Variants in PREX1 observed in about 807,000 individuals in gnomAD.
PREX1 encodes the protein phosphatidylinositol 3,4,5-trisphosphate-dependent Rac exchanger 1 protein.
A neutral mutation model predicts 198.3 loss-of-function variants in PREX1; 41 were observed. That is an observed-to-expected ratio of 0.21 (90% CI 0.16 to 0.27). The LOEUF (loss-of-function observed/expected upper bound fraction) is 0.27. Ranked by LOEUF, PREX1 falls within the 10% of genes least tolerant of loss-of-function variation. The probability of loss-of-function intolerance (pLI) is 1.00; values close to 1 mark genes in which losing one functional copy is unlikely to be tolerated. For synonymous variants in PREX1, 843 were observed against 887.2 expected (o/e 0.95, Z 0.89); for missense variants, 1,620 against 2,200.7 (o/e 0.74, Z 5.28).
intron 1 of PREX1, among the ~76,000 whole-genome samples, chr20:48,785,981 G>A (rs2090310384): frequency 6.6e-6 from 1 of 152,318 alleles, no homozygotes; most frequent in East Asian, 1.9e-4. Flanking sequence ...CTTCCAGCAG[G>A]GGGTTCAGAA....
chr20:48,775,334 G>A (rs767209178), intron 1 of PREX1, among the ~76,000 whole-genome samples: 3 of 151,970 alleles, frequency 2.0e-5, no homozygotes, highest in Admixed American at 6.6e-5. Context: ...GCAAGGAGAC[G>A]GGTGCTTTTT....
intron 5 of PREX1, among the ~76,000 whole-genome samples, chr20:48,714,022 C>A (rs541144921): frequency 6.6e-6 from 1 of 152,274 alleles, no homozygotes; most frequent in East Asian, 1.9e-4. Flanking sequence ...AATGATGCAA[C>A]TGAATATCCA....
chr20:48,627,987 C>A (rs746343713), intron 37 of PREX1, 24 bp from the exon 38 acceptor site: 1 of 1,163,586 alleles, frequency 8.6e-7, no homozygotes, highest in Non-Finnish European at 1.2e-6. Flanking sequence ...GGGAGGACAG[C>A]GGGTTGGCGG....
chr20:48,837,251 G>A, the PREX1 span, among the ~76,000 whole-genome samples: 5 of 152,194 alleles, frequency 3.3e-5, no homozygotes, highest in Non-Finnish European at 7.3e-5. Flanking sequence ...ACCACTGTGG[G>A]AAGCAGTGTG....
intron 18 of PREX1, chr20:48,656,423 G>GA (rs1402342151): frequency 3.3e-6 from 1 of 304,224 alleles, no homozygotes; most frequent in East Asian, 1.1e-4. Context: ...GGGGCCTCCA[G>GA]GGCTGGACCC....
At chr20:48,830,014 G>A (rs1479933035), upstream of PREX1, among the ~76,000 whole-genome samples, 2 of 152,100 alleles carry the variant, frequency 1.3e-5, no homozygotes, top group East Asian at 3.9e-4. Context: ...AGGACATTTA[G>A]CCGCGTCCCC....
At chr20:48,873,430 C>T in the PREX1 span, among the ~76,000 whole-genome samples, 2 of 151,716 alleles carry the variant, frequency 1.3e-5, no homozygotes, top group Admixed American at 1.3e-4. Flanking sequence ...AGCAAGAGGC[C>T]GGGTGCAGTG....
the PREX1 span, among the ~76,000 whole-genome samples, chr20:48,882,576 G>T: frequency 7.0e-6 from 1 of 143,448 alleles, no homozygotes; most frequent in Non-Finnish European, 1.5e-5. Flanking sequence ...GTATATTTTT[G>T]TGTCTCTGGG....
chr20:48,853,384 G>A, the PREX1 span, among the ~76,000 whole-genome samples: 1 of 152,178 alleles, frequency 6.6e-6, no homozygotes, highest in Non-Finnish European at 1.5e-5. Context: ...TACAATCATG[G>A]CTGAAGGCAC....
At chr20:48,650,615 G>A (rs2089487293) in intron 23 of PREX1, among the ~76,000 whole-genome samples, 1 of 152,232 alleles carries the variant, frequency 6.6e-6, no homozygotes, top group South Asian at 2.1e-4. Flanking sequence ...GCTTGCTGAG[G>A]CTAGAGCTAT....
intron 3 of PREX1, among the ~76,000 whole-genome samples, chr20:48,742,305 G>A (rs1448434248): frequency 3.3e-5 from 5 of 152,188 alleles, no homozygotes; most frequent in Non-Finnish European, 7.3e-5. Flanking sequence ...TTACCCAAGT[G>A]AGAAACAATT....
chr20:48,875,766 C>T, the PREX1 span, among the ~76,000 whole-genome samples: 1 of 152,076 alleles, frequency 6.6e-6, no homozygotes, highest in African/African-American at 2.4e-5. Context: ...GAGGGTGTCA[C>T]GAGGCGACAG....
intron 25 of PREX1, 118 bp downstream of exon 25, chr20:48,649,182 T>C (rs2089472723): frequency 1.4e-6 from 2 of 1,391,690 alleles, no homozygotes; most frequent in Non-Finnish European, 1.9e-6. Context: ...AAATAGCCTA[T>C]AATGTCCAGG....
At chr20:48,878,689 T>C in the PREX1 span, among the ~76,000 whole-genome samples, 1 of 152,164 alleles carries the variant, frequency 6.6e-6, no homozygotes, top group Non-Finnish European at 1.5e-5. Flanking sequence ...CACACCTTCC[T>C]TCCATGTGTT....
chr20:48,723,454 C>T (rs1002399803), intron 5 of PREX1, among the ~76,000 whole-genome samples: 4 of 152,190 alleles, frequency 2.6e-5, no homozygotes, highest in African/African-American at 7.2e-5. Context: ...GGCCAAAGGC[C>T]GGACACACTG....
intron 3 of PREX1, among the ~76,000 whole-genome samples, chr20:48,744,453 C>T (rs2090098587): frequency 6.6e-6 from 1 of 152,102 alleles, no homozygotes; most frequent in Non-Finnish European, 1.5e-5. Context: ...TGAGGGGGGT[C>T]CCAGGTAGTA....
At chr20:48,851,291 G>C in the PREX1 span, among the ~76,000 whole-genome samples, 1 of 152,192 alleles carries the variant, frequency 6.6e-6, no homozygotes, top group Non-Finnish European at 1.5e-5. Context: ...CGGATCTCTT[G>C]AGGTTAGGAG....
intron 9 of PREX1, among the ~76,000 whole-genome samples, chr20:48,689,734 T>A (rs2089807063): frequency 6.6e-6 from 1 of 152,156 alleles, no homozygotes; most frequent in Non-Finnish European, 1.5e-5. Flanking sequence ...AGTTCAGTGG[T>A]TTATCGGGCC....
chr20:48,691,874 T>TA lies in PREX1; in HGVS notation c.1037-779dup, dbSNP rs1334263347. Among the ~76,000 whole-genome samples the TA allele has an allele frequency of 5.9e-5, 9 of 151,582 alleles. No individual in the cohort carries two copies. The highest frequency in any genetic ancestry group is 1.3e-4 in the Admixed American group (2 of 15,224). On this transcript the variant is annotated intron_variant, in intron 8 of 39. Transcript: ENST00000371941. This position sits in a 1 kb window ranked among gnomAD's most constrained non-coding sequence, Gnocchi z 5.0. Reference sequence around the variant, plus strand: ...TGGTGTTGAGTGAAAGCAGTTTGTTTAAAAAAAAATGTAGACCATATTTTC... The same window carrying TA: ...TGGTGTTGAGTGAAAGCAGTTTGTTTAAAAAAAAAATGTAGACCATATTTTC...
Sources: allele counts gnomAD v4.1 joint callset (sites outside exome capture counted in the v4.1 genomes callset), GRCh38; gene constraint gnomAD v4.1.1; non-coding constraint Gnocchi (gnomAD v3.1); transcripts MANE v1.5; gene names NCBI Gene and HGNC (gene_info 2026-07-23, HGNC 2026-07-21).